Variants in IAPP observed in about 807,000 individuals in gnomAD.
IAPP encodes Islet amyloid polypeptide (diabetes-associated peptide; amylin).
In IAPP, 4 loss-of-function variants were observed where a neutral mutation model predicts 2.9. The ratio of observed to expected loss-of-function variants is 1.39; its 90% CI spans 0.69 to 3.19. The LOEUF (loss-of-function observed/expected upper bound fraction) is 3.19, where lower values mean the gene tolerates loss of function less well. Ranked by LOEUF, IAPP falls within the 30% of genes most tolerant of loss-of-function variation. The pLI is 0.01. For missense variants in IAPP, 114 were observed against 105.3 expected (o/e 1.08, Z -0.36); for synonymous variants, 40 against 42.1 (o/e 0.95, Z 0.19).
intron 1 of IAPP, among the ~76,000 whole-genome samples, chr12:21,360,777 G>T (rs527630111): frequency 6.6e-6 from 1 of 152,326 alleles, no homozygotes; most frequent in African/African-American, 2.4e-5. Context: ...ACCCACGGAG[G>T]CTCGCTCACT....
rs569574312 is a variant in IAPP, at chr12:21,378,733, C to G, written c.*307C>G. ...ACGAAGGAGAAAAAGGTAGTTTGAA[C>G]CTTGGTAAATTGTAAACAGCTAATA... On this transcript the variant is annotated 3_prime_UTR_variant, in exon 3 of 3. Coordinates refer to ENST00000240652, the MANE Select transcript of IAPP (RefSeq NM_000415.3). 1 of 262,536 alleles carries G rather than the reference C, an allele frequency of 3.8e-6. No homozygotes were observed. The highest frequency in any genetic ancestry group is 7.4e-6 in the Non-Finnish European group (1 of 135,944). 16.3% of individuals were successfully genotyped at this position (262,536 alleles called of 1,614,324 possible).
chr12:21,368,701 G>A (rs915206060), upstream of IAPP, among the ~76,000 whole-genome samples: 1 of 151,984 alleles, frequency 6.6e-6, no homozygotes, highest in East Asian at 1.9e-4. Context: ...AATATAGAGT[G>A]AGCAAGATAG....
intron 1 of IAPP, among the ~76,000 whole-genome samples, chr12:21,358,004 C>T (rs1432769239): frequency 1.3e-5 from 2 of 151,958 alleles, no homozygotes; most frequent in Non-Finnish European, 2.9e-5. Context: ...GGGTGGGTGG[C>T]GTGAGGTGGG....
chr12:21,370,304 C>A (rs1287370422), upstream of IAPP, among the ~76,000 whole-genome samples: 1 of 151,576 alleles, frequency 6.6e-6, no homozygotes, highest in Non-Finnish European at 1.5e-5. Context: ...ATATGATAGT[C>A]CTTATAAAAT....
At chr12:21,378,020 T>C (rs978027203) in intron 2 of IAPP, among the ~76,000 whole-genome samples, 3 of 152,212 alleles carry the variant, frequency 2.0e-5, no homozygotes, top group African/African-American at 7.2e-5. Flanking sequence ...AAATGCAACA[T>C]TGACTGTAAT....
Position 21,378,291 on chromosome 12 carries a change from G to A in IAPP, c.135G>A (p.Leu45=), listed in dbSNP as rs921793087. ...CNTATCATQR[L]ANFLVHSSNN... Reference sequence around the variant, plus strand: ...CTGCCACATGTGCAACGCAGCGCCTGGCAAATTTTTTAGTTCATTCCAGCA... The same window carrying A: ...CTGCCACATGTGCAACGCAGCGCCTAGCAAATTTTTTAGTTCATTCCAGCA... The change falls in exon 3 of 3, where the codon CTG becomes CTA. Residue 45 remains leucine, a synonymous_variant. Transcript: ENST00000240652. The A allele has an allele frequency of 6.2e-7, 1 of 1,614,056 alleles. No individual in the cohort carries two copies. The highest frequency in any genetic ancestry group is 8.5e-7 in the Non-Finnish European group (1 of 1,180,010).
At chr12:21,356,710 G>C (rs1401766949) in intron 1 of IAPP, among the ~76,000 whole-genome samples, 1 of 152,022 alleles carries the variant, frequency 6.6e-6, no homozygotes, top group Non-Finnish European at 1.5e-5. Flanking sequence ...AAACACAGGA[G>C]ATGCAAAGAC....
At position 21,366,099 on chromosome 12, in the gene IAPP, C is replaced by T. The variant is rs146111287; in HGVS notation, c.-15-7238C>T. ...ATGCTGCTATAAAGACACATGCATACGTATGTTTATTGCAGCACTATTCAC... is the reference window on the plus strand; with the variant it reads ...ATGCTGCTATAAAGACACATGCATATGTATGTTTATTGCAGCACTATTCAC... On this transcript the variant is annotated intron_variant, in intron 1 of 2. Coordinates refer to the IAPP transcript ENST00000539393. 3.2e-3 allele frequency among the ~76,000 whole-genome samples: 486 copies of T among 152,260 alleles called. 7 individuals carry two copies. In the East Asian group the frequency reaches 0.059, roughly 18 times the overall value.
chr12:21,360,401 G>C (rs1486091595), intron 1 of IAPP, among the ~76,000 whole-genome samples: 1 of 152,154 alleles, frequency 6.6e-6, no homozygotes, highest in Admixed American at 6.5e-5. Context: ...TTTAAAGAAA[G>C]CTCCAATAAG....
At chr12:21,376,179 C>G (rs1453056678) in intron 2 of IAPP, 2 of 153,540 alleles carry the variant, frequency 1.3e-5, no homozygotes, top group Non-Finnish European at 2.9e-5. Flanking sequence ...ACCTTCCAAC[C>G]AATTATCAAA....
intron 1 of IAPP, 38 bp from the exon 2 acceptor site, chr12:21,373,299 G>T: frequency 8.3e-7 from 1 of 1,202,722 alleles, no homozygotes. Flanking sequence ...AGAACTGTAA[G>T]AAATCTCTTG....
chr12:21,366,810 A>G (rs1408245095), intron 1 of IAPP, among the ~76,000 whole-genome samples: 1 of 151,944 alleles, frequency 6.6e-6, no homozygotes, highest in Non-Finnish European at 1.5e-5. Flanking sequence ...AAAAGTTGGT[A>G]GATTAGGAAA....
chr12:21,371,956 C>T (rs1049173416), upstream of IAPP, among the ~76,000 whole-genome samples: 2 of 151,122 alleles, frequency 1.3e-5, no homozygotes, highest in Admixed American at 6.6e-5. Context: ...GAGCCGAGAT[C>T]GCACCCTTGT....
At chr12:21,365,122 C>T (rs1939267974) in intron 1 of IAPP, among the ~76,000 whole-genome samples, 1 of 152,164 alleles carries the variant, frequency 6.6e-6, no homozygotes, top group South Asian at 2.1e-4. Context: ...AAGCTGGAGG[C>T]ATCACACTAC....
chr12:21,369,723 T>C (rs1939648764), upstream of IAPP, among the ~76,000 whole-genome samples: 1 of 152,192 alleles, frequency 6.6e-6, no homozygotes, highest in Non-Finnish European at 1.5e-5. Context: ...GGCCTGAGAT[T>C]CTGCATTTCT....
intron 1 of IAPP, among the ~76,000 whole-genome samples, chr12:21,367,710 C>T (rs1939495482): frequency 6.6e-6 from 1 of 151,826 alleles, no homozygotes; most frequent in African/African-American, 2.4e-5. Flanking sequence ...TCACGCCATT[C>T]ATCAGAAATT....
In IAPP at chr12:21,361,638, A is replaced by C. The variant is rs190521719; in HGVS notation, c.-16+6625A>C. Reference sequence around the variant, plus strand: ...TGAACCTATCACAAAGAAGCTAAAAACCTTGAAAAAAGAGTAGACGAATGG... The same window carrying C: ...TGAACCTATCACAAAGAAGCTAAAACCCTTGAAAAAAGAGTAGACGAATGG... On this transcript the variant is annotated intron_variant, in intron 1 of 2. Transcript: ENST00000539393. 9.1e-4 allele frequency among the ~76,000 whole-genome samples: 139 copies of C among 152,288 alleles called. 1 individual carries two copies. The highest frequency in any genetic ancestry group is 3.8e-3 in the Admixed American group (58 of 15,296).
upstream of IAPP, among the ~76,000 whole-genome samples, chr12:21,367,933 T>C (rs1203179139): frequency 1.3e-5 from 2 of 152,176 alleles, no homozygotes; most frequent in African/African-American, 4.8e-5. Flanking sequence ...CAAGAGATGT[T>C]CTCTTTCATT....
intron 1 of IAPP, among the ~76,000 whole-genome samples, chr12:21,361,764 C>G (rs1161264415): frequency 6.6e-6 from 1 of 151,954 alleles, no homozygotes; most frequent in African/African-American, 2.4e-5. Flanking sequence ...GCTTCAGTAG[C>G]CGATTTGATC....
Sources: allele counts gnomAD v4.1 joint callset (sites outside exome capture counted in the v4.1 genomes callset), GRCh38; gene constraint gnomAD v4.1.1; transcripts MANE v1.5; gene names NCBI Gene and HGNC (gene_info 2026-07-23, HGNC 2026-07-21).